The following SAP130 variants were observed in gnomAD, a reference collection of about 807,000 sequenced individuals.
SAP130 encodes the protein histone deacetylase complex subunit SAP130.
SAP130 carries 16 observed loss-of-function variants against 103.2 expected under a neutral mutation model. The ratio of observed to expected loss-of-function variants is 0.16; its 90% CI spans 0.10 to 0.24. The LOEUF is 0.24. Ranked by LOEUF, SAP130 falls within the 10% of genes least tolerant of loss-of-function variation. The pLI, the probability that SAP130 is intolerant of heterozygous loss-of-function variation, is 1.00. For synonymous variants in SAP130, 477 were observed against 497.0 expected (o/e 0.96, Z 0.53); for missense variants, 990 against 1,359.7 (o/e 0.73, Z 4.28).
intron 12 of SAP130, among the ~76,000 whole-genome samples, chr2:127,990,757 A>G (rs760600029): frequency 6.6e-6 from 1 of 152,102 alleles, no homozygotes; most frequent in Non-Finnish European, 1.5e-5. Flanking sequence ...CCTGGGCAAC[A>G]TGGCAAGACC....
chr2:127,949,883 T>C lies in SAP130; in HGVS notation c.2783A>G (p.Asp928Gly). 1 of 1,614,156 alleles carries C rather than the reference T, an allele frequency of 6.2e-7. No individual in the cohort carries two copies. The highest frequency in any genetic ancestry group is 8.5e-7 in the Non-Finnish European group (1 of 1,180,010). The part of the protein sequence containing the change: ...AAYHHFQRYS[D>G]VRVKEEKKAM... ...GGGAAACTAACCTTTGACCCGGACG[T>C]CACTGTACCTCTGAAAGTGGTGGTA... The change falls in exon 18 of 21, where the codon GAC (aspartate) becomes GGC (glycine). Residue 928 changes from aspartate to glycine, a missense_variant. Asp to Gly is a moderately conservative substitution (Grantham distance 94). This residue lies in a region of SAP130 where 69 missense variants were observed against 165.7 expected (regional missense o/e 0.42). Transcript: ENST00000643581.
chr2:128,027,292 T>C, intron 1 of SAP130: 1 of 1,157,264 alleles, frequency 8.6e-7, no homozygotes, highest in Non-Finnish European at 1.1e-6. Flanking sequence ...CTCGCAGTCC[T>C]CTTCCCCCGA....
chr2:127,966,351 AT>A (rs1445453622), intron 15 of SAP130, among the ~76,000 whole-genome samples: 3 of 152,130 alleles, frequency 2.0e-5, no homozygotes, highest in Non-Finnish European at 2.9e-5. Flanking sequence ...TCTCAAAAAA[AT>A]AAAAATAAAT....
Position 127,952,557 on chromosome 2 carries a change from C to G in SAP130, c.2423-2149G>C, listed in dbSNP as rs1157665937. Reference sequence around the variant, plus strand: ...AACGTGCTGTTTATATATAATGTCTCTATCTCTCCTGGCTTTCTCCTGAAC... The same window carrying G: ...AACGTGCTGTTTATATATAATGTCTGTATCTCTCCTGGCTTTCTCCTGAAC... On this transcript the variant is annotated intron_variant, in intron 16 of 20. Transcript: ENST00000643581. 5.3e-5 allele frequency among the ~76,000 whole-genome samples: 8 copies of G among 151,798 alleles called. No homozygotes were observed. In the East Asian group the frequency reaches 1.4e-3, roughly 26 times the overall value.
chr2:127,967,816 C>A (rs566198476), intron 15 of SAP130, among the ~76,000 whole-genome samples: 13 of 152,198 alleles, frequency 8.5e-5, no homozygotes, highest in Non-Finnish European at 1.9e-4. Flanking sequence ...ATATAGAATA[C>A]TCCACCCAAC....
chr2:128,006,043 G>C (rs1227049453), intron 7 of SAP130, among the ~76,000 whole-genome samples: 7 of 148,510 alleles, frequency 4.7e-5, no homozygotes, highest in East Asian at 2.0e-4. Flanking sequence ...CAACGAAAAA[G>C]AATCAGGCAA....
chr2:128,012,568 A>G (rs936684800), intron 6 of SAP130, among the ~76,000 whole-genome samples: 2 of 152,154 alleles, frequency 1.3e-5, no homozygotes, highest in Non-Finnish European at 2.9e-5. Flanking sequence ...TATAGATACT[A>G]TATTTCCTGC....
Position 128,018,483 on chromosome 2 carries a change from CAAA to C in SAP130, c.113-571_113-569del, listed in dbSNP as rs759445928. ...CTGGGCGAGAGAGGAAGATTGTCTC[CAAA>C]AAAAAAAAAAAAAAAAAAAAGGATG... On this transcript the variant is annotated intron_variant, in intron 2 of 20. Coordinates refer to ENST00000643581, the MANE Select transcript of SAP130 (RefSeq NM_001330301.2). Among the ~76,000 whole-genome samples, 450 of 69,468 alleles carry C rather than the reference CAAA, an allele frequency of 6.5e-3. 4 individuals carry two copies. Among genetic ancestry groups the C allele is most frequent in the African/African-American group, 0.01 (154 of 15,294 alleles). 45.6% of individuals were successfully genotyped at this position (69,468 alleles called of 152,430 possible). A position where few individuals can be genotyped will look rare whatever the true frequency, so the allele number is the denominator to read the frequency against.
chr2:127,968,591 T>C (rs1183950047), intron 15 of SAP130, among the ~76,000 whole-genome samples: 3 of 151,804 alleles, frequency 2.0e-5, no homozygotes, highest in Non-Finnish European at 4.4e-5. Context: ...GGTACGATCT[T>C]GGCTCACTGC....
rs1679798716 is a variant in SAP130, at chr2:127,955,790, A to G, written c.2064-446T>C. Reference sequence around the variant, plus strand: ...GGTGTGAGCCACCACACCCAGCTCTAATACTCTATTCCTTGACTTTAAAGT... The same window carrying G: ...GGTGTGAGCCACCACACCCAGCTCTGATACTCTATTCCTTGACTTTAAAGT... On this transcript the variant is annotated intron_variant, in intron 15 of 20. Coordinates refer to ENST00000643581, the MANE Select transcript of SAP130 (RefSeq NM_001330301.2). The surrounding 1 kb of genome is among the most constrained non-coding windows in gnomAD (Gnocchi z 4.9). Among the ~76,000 whole-genome samples the G allele has an allele frequency of 6.6e-6, 1 of 152,158 alleles. No homozygotes were observed. Among genetic ancestry groups the G allele is most frequent in the South Asian group, 2.1e-4 (1 of 4,826 alleles).
At chr2:127,943,625 G>A (rs772434183) in intron 19 of SAP130, among the ~76,000 whole-genome samples, 1 of 152,184 alleles carries the variant, frequency 6.6e-6, no homozygotes, top group Non-Finnish European at 1.5e-5. Context: ...GTATCTAAAC[G>A]TATCTATACA....
chr2:127,995,795 T>C (rs1683139983), intron 11 of SAP130, among the ~76,000 whole-genome samples: 1 of 152,224 alleles, frequency 6.6e-6, no homozygotes, highest in African/African-American at 2.4e-5. Context: ...AAGTAATGAA[T>C]GTTAACATAA....
intron 6 of SAP130, 91 bp downstream of exon 6, chr2:128,012,939 T>A: frequency 7.9e-7 from 1 of 1,270,700 alleles, no homozygotes. Flanking sequence ...GGCAACTAGA[T>A]GGAAAGTCCC....
At chr2:127,992,970 G>C (rs985419846) in intron 12 of SAP130, among the ~76,000 whole-genome samples, 1 of 152,144 alleles carries the variant, frequency 6.6e-6, no homozygotes, top group African/African-American at 2.4e-5. Flanking sequence ...AGTATCCTCA[G>C]GGTGGCATAA....
In SAP130 at chr2:128,018,916, T is replaced by C. The variant is rs547979397; in HGVS notation, c.113-1001A>G. On this transcript the variant is annotated intron_variant, in intron 2 of 20. Transcript: ENST00000643581. ...TTCCAGGCCAGCCTGACCAACGTGG[T>C]GAAACCCCGTCTCTACTAAAAATAC... 2.2e-3 allele frequency among the ~76,000 whole-genome samples: 327 copies of C among 151,988 alleles called. 1 individual carries two copies. Among genetic ancestry groups the C allele is most frequent in the Non-Finnish European group, 3.1e-3 (209 of 67,994 alleles).
intron 15 of SAP130, among the ~76,000 whole-genome samples, chr2:127,973,497 G>A (rs1166594434): frequency 6.6e-6 from 1 of 152,188 alleles, no homozygotes. Flanking sequence ...CCCAAAGTCC[G>A]AGGGAGTGCT....
In SAP130 at chr2:127,987,088, T is replaced by A. The variant is rs941694296; in HGVS notation, c.1781-126A>T. On this transcript the variant is annotated intron_variant, in intron 13 of 20. Transcript: ENST00000643581. ...ATGTTCTAACTGTCCAATTTCAAAC[T>A]GATAAGGGACAGGAGCACAATGTTC... is the stretch of plus-strand genomic sequence containing the variant. 3.7e-6 allele frequency: 3 copies of A among 805,120 alleles called. No individual in the cohort carries two copies. The Admixed American group carries it at 8.1e-5, about 22-fold the overall frequency. The allele number at this position is 805,120 out of a possible 1,614,324, so 49.9% of individuals were successfully genotyped here. A position where few individuals can be genotyped will look rare whatever the true frequency, so the allele number is the denominator to read the frequency against.
chr2:127,970,947 ATCTT>A (rs929804539), intron 15 of SAP130, among the ~76,000 whole-genome samples: 1 of 151,154 alleles, frequency 6.6e-6, no homozygotes, highest in African/African-American at 2.4e-5. Context: ...TTTTTCTTTT[ATCTT>A]TCTCTCTTTT....
At chr2:127,947,141 C>T (rs879718255) in intron 18 of SAP130, among the ~76,000 whole-genome samples, 9 of 151,708 alleles carry the variant, frequency 5.9e-5, no homozygotes, top group Admixed American at 2.6e-4. Flanking sequence ...CACCAAAGAT[C>T]GCTGGCAATC....
Sources: gnomAD v4.1 joint callset for allele counts (sites outside exome capture counted in the v4.1 genomes callset) on GRCh38, gnomAD v4.1.1 for gene constraint, gnomAD v4.1.1 regional missense constraint, Gnocchi (gnomAD v3.1) non-coding constraint, MANE v1.5 for transcripts, NCBI Gene and HGNC (gene_info 2026-07-23, HGNC 2026-07-21) for gene names.